Variants in BMPR2 observed in about 807,000 individuals in gnomAD.
BMPR2 encodes bone morphogenetic protein receptor type 2, also known as bone morphogenetic protein receptor type-2.
A neutral mutation model predicts 100.8 loss-of-function variants in BMPR2; 29 were observed. The observed-to-expected ratio is 0.29, with a 90% confidence interval of 0.21 to 0.39. BMPR2 has a LOEUF of 0.39. Ranked by LOEUF, BMPR2 falls within the 10% of genes least tolerant of loss-of-function variation. The pLI is 1.00. For synonymous variants in BMPR2, 382 were observed against 442.3 expected (o/e 0.86, Z 1.71); for missense variants, 1,011 against 1,274.5 (o/e 0.79, Z 3.15).
At chr2:202,399,333 T>C (rs1163494391) in intron 1 of BMPR2, among the ~76,000 whole-genome samples, 1 of 152,084 alleles carries the variant, frequency 6.6e-6, no homozygotes, top group African/African-American at 2.4e-5. Flanking sequence ...AGGAAAAACA[T>C]TCCAGGTAGA....
chr2:202,387,581 C>G (rs1288495678), intron 1 of BMPR2, among the ~76,000 whole-genome samples: 3 of 152,172 alleles, frequency 2.0e-5, no homozygotes, highest in Admixed American at 6.5e-5. Context: ...CCAGATTGAA[C>G]TATGTCTTAG....
intron 1 of BMPR2, among the ~76,000 whole-genome samples, chr2:202,421,973 A>G (rs144004997): frequency 6.6e-6 from 1 of 152,232 alleles, no homozygotes; most frequent in East Asian, 1.9e-4. Context: ...CAGTGGTGCG[A>G]TCTCGGCTCA....
intron 3 of BMPR2, among the ~76,000 whole-genome samples, chr2:202,474,262 T>C (rs1468364074): frequency 1.3e-5 from 2 of 151,994 alleles, no homozygotes; most frequent in Non-Finnish European, 2.9e-5. Context: ...GAGACCAGCC[T>C]GGCCTATATG....
Position 202,467,547 on chromosome 2 carries a change from A to C in BMPR2, c.276A>C (p.Gln92His), listed in dbSNP as rs140683387. The C allele has an allele frequency of 7.8e-5, 122 of 1,565,690 alleles. No individual in the cohort carries two copies. The East Asian group carries it at 2.7e-3, about 35-fold the overall frequency. Residue 92 changes from glutamine to histidine, a missense_variant, in exon 3 of 13, where the codon CAA becomes CAC. Gln to His is a conservative substitution (Grantham distance 24, BLOSUM62 0). Around this residue, in one of 6 missense-constraint regions of BMPR2, gnomAD observed 355 missense variants for 455.3 expected, o/e 0.78. Coordinates refer to ENST00000374580, the MANE Select transcript of BMPR2 (RefSeq NM_001204.7). ...GTTGGTCTCACATTGGAGATCCCCAAGAGTGTCACTATGAAGAATGTGTAG... is the reference window on the plus strand; with the variant it reads ...GTTGGTCTCACATTGGAGATCCCCACGAGTGTCACTATGAAGAATGTGTAG... ...QGCWSHIGDPQECHYEECVVT... is the reference protein window; with the variant it reads ...QGCWSHIGDPHECHYEECVVT...
intron 3 of BMPR2, among the ~76,000 whole-genome samples, chr2:202,477,943 C>T (rs76934366): frequency 1.3e-3 from 194 of 152,164 alleles, no homozygotes; most frequent in African/African-American, 4.5e-3. Flanking sequence ...CGTTTTGCCC[C>T]CCTTTTACTT....
chr2:202,478,165 A>G (rs1227670849), intron 3 of BMPR2, among the ~76,000 whole-genome samples: 1 of 152,126 alleles, frequency 6.6e-6, no homozygotes, highest in African/African-American at 2.4e-5. Flanking sequence ...TTGCATTTTT[A>G]TGCTTTTTGT....
intron 3 of BMPR2, among the ~76,000 whole-genome samples, chr2:202,471,945 G>C (rs529815885): frequency 6.6e-6 from 1 of 151,258 alleles, no homozygotes. Context: ...TGTGTAGAAA[G>C]AGGTAATAAA....
chr2:202,439,852 A>T (rs560942176), intron 1 of BMPR2, among the ~76,000 whole-genome samples: 1 of 149,822 alleles, frequency 6.7e-6, no homozygotes, highest in Non-Finnish European at 1.5e-5. Flanking sequence ...GCAGATAAAC[A>T]TGTGAACAAG....
chr2:202,519,993 T>C lies in BMPR2; in HGVS notation c.853-94T>C. On this transcript the variant is annotated intron_variant, in intron 6 of 12. Transcript: ENST00000374580. ...TAGATCTTCATGGAATCCTAGCCTA[T>C]TTGCAAATTCTTTATAAGGATGCTA... is the stretch of plus-strand genomic sequence containing the variant. The C allele has an allele frequency of 5.1e-6, 4 of 776,852 alleles. No individual in the cohort carries two copies. In the Admixed American group the frequency reaches 6.2e-5, roughly 12 times the overall value. The allele number at this position is 776,852 out of a possible 1,614,324, so 48.1% of individuals were successfully genotyped here.
intron 1 of BMPR2, among the ~76,000 whole-genome samples, chr2:202,447,964 T>TA (rs1290147924): frequency 2.0e-5 from 3 of 150,134 alleles, no homozygotes; most frequent in African/African-American, 5.1e-5. Context: ...GTTGAAAAAA[T>TA]AGAGTCATCC....
chr2:202,410,216 C>G (rs982474003), intron 1 of BMPR2, among the ~76,000 whole-genome samples: 9 of 151,946 alleles, frequency 5.9e-5, no homozygotes, highest in Admixed American at 5.9e-4. Context: ...AACTCCTGAC[C>G]TCAAGTGATC....
At position 202,384,886 on chromosome 2, in the gene BMPR2, C is replaced by T. The variant is rs868039811; in HGVS notation, c.76+7336C>T. Among the ~76,000 whole-genome samples the T allele has an allele frequency of 7.9e-5, 12 of 152,036 alleles. No homozygotes were observed. In the South Asian group the frequency reaches 8.3e-4, roughly 10 times the overall value. ...GGGATTACAGACGTGAGCCACCGCA[C>T]CTGGCCAAGAAATTTCAGTTTCTTA... On this transcript the variant is annotated intron_variant, in intron 1 of 12. Coordinates refer to ENST00000374580, the MANE Select transcript of BMPR2 (RefSeq NM_001204.7).
chr2:202,461,340 C>A (rs552080191), intron 1 of BMPR2, among the ~76,000 whole-genome samples: 1 of 151,926 alleles, frequency 6.6e-6, no homozygotes. Flanking sequence ...CAAAATTAGC[C>A]GGGCGTGGTG....
chr2:202,464,307 A>G (rs1187145194), intron 1 of BMPR2, among the ~76,000 whole-genome samples: 3 of 151,992 alleles, frequency 2.0e-5, no homozygotes, highest in Admixed American at 6.6e-5. Context: ...TAGAACATAT[A>G]TATACCCTAA....
intron 10 of BMPR2, among the ~76,000 whole-genome samples, chr2:202,545,670 C>T (rs1388218447): frequency 6.6e-6 from 1 of 152,156 alleles, no homozygotes; most frequent in Non-Finnish European, 1.5e-5. Flanking sequence ...AGAATGAGCA[C>T]TGTCTTCATT....
chr2:202,485,539 C>CTTTTTTT (rs1356936925), intron 3 of BMPR2, among the ~76,000 whole-genome samples: 1 of 34,784 alleles, frequency 2.9e-5, no homozygotes, highest in Non-Finnish European at 6.2e-5. Context: ...CTCCCTTTGC[C>CTTTTTTT]TTTATCTTTT....
intron 1 of BMPR2, among the ~76,000 whole-genome samples, chr2:202,394,063 C>T (rs989998876): frequency 1.3e-5 from 2 of 152,026 alleles, no homozygotes; most frequent in Admixed American, 6.6e-5. Flanking sequence ...TAAAAGATTA[C>T]TCCTGGCCGG....
chr2:202,563,564 T>G lies in BMPR2; in HGVS notation c.*3618T>G, dbSNP rs1020811746. The G allele has an allele frequency of 6.6e-6, 1 of 152,244 alleles. No homozygotes were observed. Among genetic ancestry groups the G allele is most frequent in the African/African-American group, 2.4e-5 (1 of 41,464 alleles). 9.4% of individuals were successfully genotyped at this position (152,244 alleles called of 1,614,324 possible). On this transcript the variant is annotated 3_prime_UTR_variant, in exon 13 of 13. Transcript: ENST00000374580. ...GATATGTAGACATATCTATGCTGAT[T>G]GTTGCTTGAGAAATAATTACTAATT...
intron 1 of BMPR2, among the ~76,000 whole-genome samples, chr2:202,436,335 A>G (rs766086760): frequency 5.3e-5 from 8 of 150,258 alleles, no homozygotes; most frequent in Non-Finnish European, 1.5e-5. Context: ...GGTCCCAGCT[A>G]CTTGGGGGCC....
Sources: allele counts gnomAD v4.1 joint callset (sites outside exome capture counted in the v4.1 genomes callset), GRCh38; gene constraint gnomAD v4.1.1; regional missense constraint gnomAD v4.1.1; transcripts MANE v1.5; gene names NCBI Gene and HGNC (gene_info 2026-07-23, HGNC 2026-07-21).